The following CNTLN variants were observed in gnomAD, a reference collection of about 807,000 sequenced individuals.
CNTLN encodes centlein, also known as centlein, centrosomal protein.
In CNTLN, 212 loss-of-function variants were observed where a neutral mutation model predicts 180.0. The observed-to-expected ratio is 1.18, with a 90% confidence interval of 1.05 to 1.32. CNTLN has a LOEUF of 1.32. Ranked by LOEUF, CNTLN falls within the 40% of genes most tolerant of loss-of-function variation. The pLI, the probability that CNTLN is intolerant of heterozygous loss-of-function variation, is 0.00. For missense variants in CNTLN, 2,095 were observed against 1,610.9 expected (o/e 1.30, Z -5.14); for synonymous variants, 722 against 563.1 (o/e 1.28, Z -3.99).
intron 13 of CNTLN, among the ~76,000 whole-genome samples, chr9:17,377,722 A>G (rs1027215043): frequency 6.6e-6 from 1 of 152,136 alleles, no homozygotes; most frequent in Non-Finnish European, 1.5e-5. Flanking sequence ...AACTTTCTAG[A>G]TGTTACTCAT....
chr9:17,290,096 A>T (rs114658868), intron 6 of CNTLN, among the ~76,000 whole-genome samples: 38,116 of 151,850 alleles, frequency 0.25, 4,923 homozygotes, highest in South Asian at 0.36. Context: ...TGCATTTAAG[A>T]GTGTCTAGTT....
intron 12 of CNTLN, among the ~76,000 whole-genome samples, chr9:17,347,974 G>T (rs1226104159): frequency 1.3e-5 from 2 of 152,042 alleles, no homozygotes; most frequent in Non-Finnish European, 2.9e-5. Context: ...TGGGGCTATA[G>T]ATGCTAGCCA....
intron 13 of CNTLN, among the ~76,000 whole-genome samples, chr9:17,381,510 A>G (rs768181512): frequency 2.6e-4 from 40 of 152,224 alleles, no homozygotes; most frequent in Non-Finnish European, 5.6e-4. Flanking sequence ...TTGTAACTAC[A>G]TAACATGGGT....
intron 2 of CNTLN, among the ~76,000 whole-genome samples, chr9:17,153,804 A>G (rs1446055215): frequency 2.0e-5 from 3 of 152,170 alleles, no homozygotes; most frequent in Non-Finnish European, 2.9e-5. Flanking sequence ...TCAAATGTAG[A>G]CTTGGTCTTT....
Position 17,268,378 on chromosome 9 carries a change from C to T in CNTLN, c.850-5355C>T, listed in dbSNP as rs547684464. Among the ~76,000 whole-genome samples, 9 of 152,260 alleles carry T rather than the reference C, an allele frequency of 5.9e-5. No individual in the cohort carries two copies. The South Asian group carries it at 6.2e-4, about 11-fold the overall frequency. ...TATTGGTGACCCGCAAATGCTGCTGCCTGATCGTTCCTCTGGAAGTTTTGT... is the reference window on the plus strand; with the variant it reads ...TATTGGTGACCCGCAAATGCTGCTGTCTGATCGTTCCTCTGGAAGTTTTGT... On this transcript the variant is annotated intron_variant, in intron 5 of 25. Transcript: ENST00000380647.
At chr9:17,157,880 T>C (rs1255919346) in intron 2 of CNTLN, among the ~76,000 whole-genome samples, 1 of 152,222 alleles carries the variant, frequency 6.6e-6, no homozygotes, top group Non-Finnish European at 1.5e-5. Context: ...GTAGCTGAGA[T>C]AGTGACACCT....
At chr9:17,461,216 T>G (rs1199621005) in intron 19 of CNTLN, among the ~76,000 whole-genome samples, 1 of 151,568 alleles carries the variant, frequency 6.6e-6, no homozygotes, top group African/African-American at 2.4e-5. Context: ...ACTATTAGCT[T>G]AGCATAATCA....
At chr9:17,309,279 T>C in intron 8 of CNTLN, 27 bp downstream of exon 8, 4 of 1,483,252 alleles carry the variant, frequency 2.7e-6, no homozygotes, top group Non-Finnish European at 3.6e-6. Flanking sequence ...AAAACTGTTA[T>C]TCAGTGTAAT....
chr9:17,254,368 T>A (rs983891830), intron 5 of CNTLN, among the ~76,000 whole-genome samples: 1 of 151,650 alleles, frequency 6.6e-6, no homozygotes, highest in Non-Finnish European at 1.5e-5. Context: ...TTGCAAGAAA[T>A]CATTGCCAAA....
chr9:17,244,205 GGTTTTT>G (rs140041786), intron 5 of CNTLN, among the ~76,000 whole-genome samples: 29,795 of 139,220 alleles, frequency 0.21, 3,733 homozygotes, highest in African/African-American at 0.41. Flanking sequence ...TTATAGGTTA[GGTTTTT>G]GTTTTTGTTT....
At chr9:17,231,955 C>G (rs1168712145) in intron 3 of CNTLN, among the ~76,000 whole-genome samples, 2 of 152,000 alleles carry the variant, frequency 1.3e-5, no homozygotes, top group Non-Finnish European at 2.9e-5. Context: ...GACATTCTCT[C>G]TCTTGTCATC....
intron 2 of CNTLN, among the ~76,000 whole-genome samples, chr9:17,147,302 TG>T (rs1818523295): frequency 6.6e-6 from 1 of 152,220 alleles, no homozygotes; most frequent in Non-Finnish European, 1.5e-5. Flanking sequence ...CAAATGATTT[TG>T]AATGCAGTTT....
chr9:17,165,338 A>G (rs1819994447), intron 2 of CNTLN, among the ~76,000 whole-genome samples: 1 of 152,184 alleles, frequency 6.6e-6, no homozygotes, highest in Non-Finnish European at 1.5e-5. Flanking sequence ...AATGACTAGT[A>G]GAGTTTTAAA....
At position 17,420,529 on chromosome 9, in the gene CNTLN, T is replaced by C. The variant is rs547662621; in HGVS notation, c.3114+4340T>C. Among the ~76,000 whole-genome samples the C allele has an allele frequency of 2.6e-5, 4 of 152,242 alleles. No homozygotes were observed. The East Asian group carries it at 7.7e-4, about 29-fold the overall frequency. On this transcript the variant is annotated intron_variant, in intron 18 of 25. Transcript: ENST00000380647. ...TTTTGTTTTATTGATTTTTTTCATA[T>C]TGTTTTGTTCGTTTTAATTTCATTT...
chr9:17,146,598 C>G (rs1254637957), intron 2 of CNTLN, among the ~76,000 whole-genome samples: 2 of 152,132 alleles, frequency 1.3e-5, no homozygotes, highest in East Asian at 3.9e-4. Context: ...TTACATGGAA[C>G]AGACCCTTAC....
chr9:17,296,426 T>C (rs540812451), intron 6 of CNTLN, among the ~76,000 whole-genome samples: 1 of 152,304 alleles, frequency 6.6e-6, no homozygotes, highest in African/African-American at 2.4e-5. Context: ...AAATGTCTTC[T>C]AACATGGGAA....
intron 13 of CNTLN, among the ~76,000 whole-genome samples, chr9:17,375,136 A>T (rs1276783451): frequency 6.6e-6 from 1 of 152,182 alleles, no homozygotes; most frequent in Non-Finnish European, 1.5e-5. Context: ...ATGAAATTGG[A>T]GGTCATTGTG....
chr9:17,155,063 G>A (rs1045923187), intron 2 of CNTLN, among the ~76,000 whole-genome samples: 1 of 152,142 alleles, frequency 6.6e-6, no homozygotes, highest in African/African-American at 2.4e-5. Context: ...TTTAAGAGCT[G>A]TAATACTCAC....
At chr9:17,400,120 A>G (rs1564071849) in intron 15 of CNTLN, among the ~76,000 whole-genome samples, 1 of 151,996 alleles carries the variant, frequency 6.6e-6, no homozygotes, top group African/African-American at 2.4e-5. Context: ...TTTCTCCCCA[A>G]CACAACTCTA....
Sources: allele counts gnomAD v4.1 joint callset (sites outside exome capture counted in the v4.1 genomes callset), GRCh38; gene constraint gnomAD v4.1.1; transcripts MANE v1.5; gene names NCBI Gene and HGNC (gene_info 2026-07-23, HGNC 2026-07-21).